The following CCDC146 variants were observed in gnomAD, a reference collection of about 807,000 sequenced individuals.
The protein encoded by CCDC146 is coiled-coil domain-containing protein 146.
Under a neutral mutation model 119.3 loss-of-function variants are expected in CCDC146, and 92 were observed. That is an observed-to-expected ratio of 0.77 (90% CI 0.65 to 0.92). The LOEUF is 0.92. CCDC146 is among the 40% of genes least tolerant of loss of function. The pLI is 0.00. For missense variants in CCDC146, 1,000 were observed against 1,103.0 expected (o/e 0.91, Z 1.32); for synonymous variants, 372 against 371.8 (o/e 1.00, Z -0.01).
At chr7:77,173,356 C>T (rs1028666929) in intron 2 of CCDC146, among the ~76,000 whole-genome samples, 1 of 152,162 alleles carries the variant, frequency 6.6e-6, no homozygotes, top group African/African-American at 2.4e-5. Context: ...GGGCTGGGCG[C>T]AGTGGCTCAT....
intron 2 of CCDC146, among the ~76,000 whole-genome samples, chr7:77,203,209 G>A (rs1031738596): frequency 1.3e-5 from 2 of 151,946 alleles, no homozygotes; most frequent in Non-Finnish European, 2.9e-5. Context: ...CATGATAGAA[G>A]CCATGGGATC....
At chr7:77,270,444 A>G (rs1414361303) in intron 9 of CCDC146, among the ~76,000 whole-genome samples, 1 of 151,716 alleles carries the variant, frequency 6.6e-6, no homozygotes, top group Non-Finnish European at 1.5e-5. Flanking sequence ...ACAAAACCTG[A>G]TATATGCAGT....
chr7:77,254,331 G>A (rs551100916), intron 4 of CCDC146, among the ~76,000 whole-genome samples, 175 bp from the exon 5 acceptor site: 1 of 152,182 alleles, frequency 6.6e-6, no homozygotes, highest in African/African-American at 2.4e-5. Flanking sequence ...TCCTGGGGAG[G>A]AGGAAGCACC....
intron 1 of CCDC146, 22 bp from the exon 2 acceptor site, chr7:77,167,636 A>C: frequency 6.5e-7 from 1 of 1,530,600 alleles, no homozygotes; most frequent in Non-Finnish European, 8.8e-7. Flanking sequence ...AAATAGCCAC[A>C]TATGTATTAA....
intron 2 of CCDC146, among the ~76,000 whole-genome samples, chr7:77,168,481 T>C (rs986834683): frequency 2.0e-5 from 3 of 151,886 alleles, no homozygotes; most frequent in Non-Finnish European, 4.4e-5. Context: ...TATAACTGAA[T>C]AAAACATTCT....
At chr7:77,287,784 A>C (rs2150554419) in intron 17 of CCDC146, among the ~76,000 whole-genome samples, 1 of 152,290 alleles carries the variant, frequency 6.6e-6, no homozygotes, top group East Asian at 1.9e-4. Flanking sequence ...CGGTGGCAAA[A>C]CCTAGGCTTT....
chr7:77,136,605 T>C (rs1790863510), intron 1 of CCDC146, among the ~76,000 whole-genome samples: 1 of 152,194 alleles, frequency 6.6e-6, no homozygotes, highest in African/African-American at 2.4e-5. Flanking sequence ...TAGGCCTATA[T>C]CTATTAAATA....
rs2537486 is a variant in CCDC146, at chr7:77,131,515, T to C, written c.-12+8783T>C. The stretch of plus-strand genomic sequence containing the variant: ...GGCTGATTACTTGAGGTCAGAATTT[T>C]GAGACCAGCTTGGCCAACGTGGCGA... On this transcript the variant is annotated intron_variant, in intron 1 of 18. Transcript: ENST00000285871. Among the ~76,000 whole-genome samples, 1,489 of 151,460 alleles carry C rather than the reference T, an allele frequency of 9.8e-3. 18 individuals are homozygous for C. The highest frequency in any genetic ancestry group is 0.035 in the African/African-American group (1,409 of 40,798).
intron 10 of CCDC146, 131 bp downstream of exon 10, chr7:77,273,920 A>G (rs1793575761): frequency 2.0e-6 from 1 of 499,972 alleles, no homozygotes; most frequent in Non-Finnish European, 3.6e-6. Flanking sequence ...TCATGTGGGC[A>G]TATTTCTTCA....
intron 2 of CCDC146, among the ~76,000 whole-genome samples, chr7:77,192,789 G>T (rs972187011): frequency 4.6e-5 from 7 of 152,070 alleles, no homozygotes; most frequent in African/African-American, 1.7e-4. Flanking sequence ...TGGGCGAGGT[G>T]GCAGGCGTCT....
At chr7:77,173,657 A>G (rs181236343) in intron 2 of CCDC146, among the ~76,000 whole-genome samples, 8 of 152,308 alleles carry the variant, frequency 5.3e-5, no homozygotes, top group Non-Finnish European at 1.0e-4. Flanking sequence ...TGATGTTTGG[A>G]AACCAAGCCA....
chr7:77,282,018 G>A (rs186931016), intron 14 of CCDC146, among the ~76,000 whole-genome samples: 134 of 152,264 alleles, frequency 8.8e-4, no homozygotes, highest in African/African-American at 2.9e-3. Flanking sequence ...CATTCAAGGA[G>A]GGGTCTTTCT....
chr7:77,144,792 T>TTTG (rs1790989330), intron 1 of CCDC146, among the ~76,000 whole-genome samples: 1 of 151,848 alleles, frequency 6.6e-6, no homozygotes, highest in African/African-American at 2.4e-5. Flanking sequence ...GGATAAGCTT[T>TTTG]TTGATGGGCT....
chr7:77,257,030 C>T (rs1236763252), intron 6 of CCDC146, among the ~76,000 whole-genome samples: 5 of 151,972 alleles, frequency 3.3e-5, no homozygotes, highest in African/African-American at 9.7e-5. Context: ...TGCTTGAACC[C>T]GGGAGGTGGA....
At chr7:77,249,279 C>T (rs1396597809) in intron 4 of CCDC146, among the ~76,000 whole-genome samples, 1 of 152,006 alleles carries the variant, frequency 6.6e-6, no homozygotes, top group Non-Finnish European at 1.5e-5. Flanking sequence ...ATCACGAAGT[C>T]GAGATCAAGA....
intron 14 of CCDC146, 148 bp downstream of exon 14, chr7:77,280,801 C>T (rs747991286): frequency 1.7e-5 from 11 of 636,432 alleles, no homozygotes; most frequent in Non-Finnish European, 2.7e-5. Context: ...GTGTTGCTTC[C>T]CTGGAAAATA....
At chr7:77,270,008 A>G (rs1161328531) in intron 9 of CCDC146, among the ~76,000 whole-genome samples, 8 of 152,150 alleles carry the variant, frequency 5.3e-5, no homozygotes, top group Admixed American at 4.6e-4. Flanking sequence ...TTCAGAATGT[A>G]TTTCCCCCCA....
chr7:77,199,507 C>T (rs765698358), intron 2 of CCDC146: 2 of 1,614,074 alleles, frequency 1.2e-6, no homozygotes, highest in South Asian at 1.1e-5. Flanking sequence ...GCAGTCTTGG[C>T]AAGATTTCTT....
At chr7:77,227,466 C>T (rs968501291) in intron 2 of CCDC146, among the ~76,000 whole-genome samples, 6 of 152,092 alleles carry the variant, frequency 3.9e-5, no homozygotes, top group East Asian at 1.9e-4. Context: ...CCACCACGCC[C>T]GGCTAATTTT....
Sources: gnomAD v4.1 joint callset for allele counts (sites outside exome capture counted in the v4.1 genomes callset) on GRCh38, gnomAD v4.1.1 for gene constraint, MANE v1.5 for transcripts, NCBI Gene and HGNC (gene_info 2026-07-23, HGNC 2026-07-21) for gene names.